The following SULT1E1 variants were observed in gnomAD, a reference collection of about 807,000 sequenced individuals.
The protein encoded by SULT1E1 is sulfotransferase family 1E member 1, also known as sulfotransferase 1E1.
In SULT1E1, 36 loss-of-function variants were observed where a neutral mutation model predicts 33.6. The ratio of observed to expected loss-of-function variants is 1.07; its 90% CI spans 0.82 to 1.41. SULT1E1 has a LOEUF of 1.41. Among genes scored for constraint, SULT1E1 ranks in the 40% most tolerant of loss-of-function variants. The pLI is 0.00. For synonymous variants in SULT1E1, 121 were observed against 111.7 expected (o/e 1.08, Z -0.53); for missense variants, 371 against 345.7 (o/e 1.07, Z -0.58).
chr4:69,847,550 G>A, intron 6 of SULT1E1, 148 bp downstream of exon 6: 1 of 448,510 alleles, frequency 2.2e-6, no homozygotes, highest in Non-Finnish European at 4.0e-6. Context: ...CTATGCTAAA[G>A]TATCTGTATT....
the SULT1E1 span, among the ~76,000 whole-genome samples, chr4:69,827,002 C>T: frequency 2.0e-5 from 3 of 152,032 alleles, no homozygotes; most frequent in African/African-American, 7.3e-5. Flanking sequence ...CACAAAAATC[C>T]CCCAGCTATC....
chr4:69,840,918 C>G (rs1216786255), downstream of SULT1E1, among the ~76,000 whole-genome samples: 2 of 151,964 alleles, frequency 1.3e-5, no homozygotes, highest in African/African-American at 4.8e-5. Flanking sequence ...TGGTGGCGGC[C>G]GCCTGTAGTC....
At chr4:69,824,954 G>A in the SULT1E1 span, among the ~76,000 whole-genome samples, 1 of 152,250 alleles carries the variant, frequency 6.6e-6, no homozygotes, top group South Asian at 2.1e-4. Context: ...CACTCTTTGG[G>A]TTGCTCTTTC....
chr4:69,839,689 A>G (rs1364195937), downstream of SULT1E1, among the ~76,000 whole-genome samples: 2 of 152,240 alleles, frequency 1.3e-5, no homozygotes, highest in East Asian at 3.9e-4. Flanking sequence ...GGCCACCCCT[A>G]TGTATTTTAC....
At position 69,856,794 on chromosome 4, in the gene SULT1E1, G is replaced by T. The variant is rs572804674; in HGVS notation, c.145+706C>A. On this transcript the variant is annotated intron_variant, in intron 2 of 7. Coordinates refer to ENST00000226444, the MANE Select transcript of SULT1E1 (RefSeq NM_005420.3). The stretch of plus-strand genomic sequence containing the variant: ...CTAAAAAATACAAAAAAATTAGCCA[G>T]GTGCAGTGGCGGGCGCCTGCAGTCC... Among the ~76,000 whole-genome samples, 4 of 152,094 alleles carry T rather than the reference G, an allele frequency of 2.6e-5. No homozygotes were observed. The East Asian group carries it at 7.8e-4, about 30-fold the overall frequency.
chr4:69,846,305 C>CAAAAAAAAAAAAAAAAACAAAA (rs34408656), intron 6 of SULT1E1, among the ~76,000 whole-genome samples: 1 of 107,040 alleles, frequency 9.3e-6, no homozygotes, highest in Non-Finnish European at 1.9e-5. Flanking sequence ...ACAAAACAAT[C>CAAAAAAAAAAAAAAAAACAAAA]AAAAAAAAAA....
Position 69,847,687 on chromosome 4 carries a change from C to T in SULT1E1, c.591+11G>A, listed in dbSNP as rs868675731. The T allele has an allele frequency of 1.9e-6, 3 of 1,565,294 alleles. No individual in the cohort carries two copies. The highest frequency in any genetic ancestry group is 2.3e-5 in the South Asian group (2 of 86,454). ...AATTACCAAGTTGCTTATGTGTTCC[C>T]AGTTCCTCACCTCTTTCAGGTCTTC... On this transcript the variant is annotated intron_variant, in intron 6 of 7. Coordinates refer to ENST00000226444, the MANE Select transcript of SULT1E1 (RefSeq NM_005420.3).
At chr4:69,824,157 G>A in the SULT1E1 span, among the ~76,000 whole-genome samples, 2,449 of 152,244 alleles carry the variant, frequency 0.016, 62 homozygotes, top group African/African-American at 0.056. Flanking sequence ...ACCTGAGTGC[G>A]GTACCTGGAT....
In SULT1E1 at chr4:69,841,966, C is replaced by A. The variant is rs944699377; in HGVS notation, c.*28G>T. On this transcript the variant is annotated 3_prime_UTR_variant, in exon 8 of 8. Coordinates refer to ENST00000226444, the MANE Select transcript of SULT1E1 (RefSeq NM_005420.3). ...AATAATGAAAAGAAATCTTTAATAT[C>A]AGATATGTTAAGTAAAGAAAGACCT... is the stretch of plus-strand genomic sequence containing the variant. 2 of 1,183,224 alleles carry A rather than the reference C, an allele frequency of 1.7e-6. No individual in the cohort carries two copies. Among genetic ancestry groups the A allele is most frequent in the East Asian group, 4.8e-5 (2 of 41,254 alleles). 73.3% of individuals were successfully genotyped at this position (1,183,224 alleles called of 1,614,324 possible).
At chr4:69,828,414 C>A in the SULT1E1 span, among the ~76,000 whole-genome samples, 1 of 152,148 alleles carries the variant, frequency 6.6e-6, no homozygotes, top group South Asian at 2.1e-4. Context: ...GAGGAACAAA[C>A]AACTCTGGAC....
At chr4:69,851,693 T>C (rs1721114956) in intron 4 of SULT1E1, among the ~76,000 whole-genome samples, 1 of 152,194 alleles carries the variant, frequency 6.6e-6, no homozygotes, top group African/African-American at 2.4e-5. Flanking sequence ...ATTGTGGCAC[T>C]ATTCACAATA....
downstream of SULT1E1, among the ~76,000 whole-genome samples, chr4:69,839,138 A>C (rs1012373368): frequency 6.6e-6 from 1 of 152,208 alleles, no homozygotes; most frequent in African/African-American, 2.4e-5. Context: ...ATAAGTGCTA[A>C]CTGAGTACTT....
At chr4:69,854,035 C>A (rs1222646746) in intron 4 of SULT1E1, among the ~76,000 whole-genome samples, 182 bp downstream of exon 4, 1 of 151,976 alleles carries the variant, frequency 6.6e-6, no homozygotes, top group East Asian at 1.9e-4. Flanking sequence ...CCACATCTGG[C>A]AAAAGACAGA....
chr4:69,833,736 T>A, the SULT1E1 span, among the ~76,000 whole-genome samples: 1 of 152,202 alleles, frequency 6.6e-6, no homozygotes, highest in African/African-American at 2.4e-5. Context: ...TCACAGTCAA[T>A]CTACTTGTAG....
the SULT1E1 span, among the ~76,000 whole-genome samples, chr4:69,829,824 A>G: frequency 6.6e-6 from 1 of 152,158 alleles, no homozygotes; most frequent in Admixed American, 6.5e-5. Context: ...GGTCACTACC[A>G]AATGCTCAGC....
At chr4:69,847,826 T>C (rs1304065850) in intron 5 of SULT1E1, 34 bp from the exon 6 acceptor site, 2 of 1,420,440 alleles carry the variant, frequency 1.4e-6, no homozygotes, top group African/African-American at 2.8e-5. Flanking sequence ...GTAAAAGTGG[T>C]ATCATCTCTA....
intron 4 of SULT1E1, among the ~76,000 whole-genome samples, chr4:69,853,339 A>T (rs1721165620): frequency 6.6e-6 from 1 of 152,076 alleles, no homozygotes; most frequent in Non-Finnish European, 1.5e-5. Context: ...TATGTCTATT[A>T]CTCCTCATTA....
intron 6 of SULT1E1, among the ~76,000 whole-genome samples, chr4:69,846,519 G>GTA (rs1048504731): frequency 1.3e-5 from 2 of 150,992 alleles, no homozygotes; most frequent in African/African-American, 4.9e-5. Context: ...GGATTCTTTG[G>GTA]TATATATATC....
chr4:69,856,292 C>T (rs1412621070), intron 2 of SULT1E1, among the ~76,000 whole-genome samples: 1 of 152,000 alleles, frequency 6.6e-6, no homozygotes, highest in African/African-American at 2.4e-5. Flanking sequence ...CTAAAGAGTC[C>T]AAGTTATTTT....
Sources: allele counts gnomAD v4.1 joint callset (sites outside exome capture counted in the v4.1 genomes callset), GRCh38; gene constraint gnomAD v4.1.1; transcripts MANE v1.5; gene names NCBI Gene and HGNC (gene_info 2026-07-23, HGNC 2026-07-21).